The following GOLM2 variants were observed in gnomAD, a reference collection of about 807,000 sequenced individuals.
GOLM2 encodes protein GOLM2.
In GOLM2, 26 loss-of-function variants were observed where a neutral mutation model predicts 55.9. The observed-to-expected ratio is 0.47, with a 90% CI of 0.34 to 0.65. The LOEUF is 0.65. Among genes scored for constraint, GOLM2 ranks in the 30% least tolerant of loss-of-function variants. GOLM2 has a pLI of 0.01. For missense variants in GOLM2, 486 were observed against 531.8 expected, an observed-to-expected ratio of 0.91 and a Z score of 0.85; for synonymous variants, 165 against 194.6, an observed-to-expected ratio of 0.85 and a Z score of 1.27.
chr15:44,313,837 C>A (rs981353991), intron 1 of GOLM2, among the ~76,000 whole-genome samples: 1 of 151,952 alleles, frequency 6.6e-6, no homozygotes, highest in African/African-American at 2.4e-5. Context: ...GAATAAGCAC[C>A]ACAATAAAAT....
At chr15:44,376,281 T>G (rs1050287736) in intron 6 of GOLM2, among the ~76,000 whole-genome samples, 1 of 152,102 alleles carries the variant, frequency 6.6e-6, no homozygotes, top group African/African-American at 2.4e-5. Flanking sequence ...CCTATGTTGT[T>G]TCTTGTTTTT....
intron 6 of GOLM2, among the ~76,000 whole-genome samples, chr15:44,366,058 G>A (rs1306541926): frequency 2.6e-5 from 4 of 152,148 alleles, no homozygotes; most frequent in Non-Finnish European, 4.4e-5. Context: ...AGCACTTTGG[G>A]AGGCCGAGGT....
intron 6 of GOLM2, 49 bp from the exon 7 acceptor site, chr15:44,379,638 TAGA>T: frequency 3.0e-5 from 21 of 709,974 alleles, no homozygotes; most frequent in Non-Finnish European, 3.7e-5. Flanking sequence ...TTTTTTTTTT[TAGA>T]AATCATAGTA....
At chr15:44,328,431 T>C (rs573066712) in intron 2 of GOLM2, among the ~76,000 whole-genome samples, 1 of 152,276 alleles carries the variant, frequency 6.6e-6, no homozygotes, top group African/African-American at 2.4e-5. Flanking sequence ...TGAGCCAAGA[T>C]TGCACCACTG....
intron 8 of GOLM2, among the ~76,000 whole-genome samples, chr15:44,401,391 A>G (rs535369193): frequency 6.6e-6 from 1 of 152,038 alleles, no homozygotes; most frequent in South Asian, 2.1e-4. Context: ...CAGCCTCCTG[A>G]GTATCTGAGA....
At chr15:44,358,697 T>G (rs2079214129) in intron 6 of GOLM2, among the ~76,000 whole-genome samples, 1 of 152,042 alleles carries the variant, frequency 6.6e-6, no homozygotes, top group South Asian at 2.1e-4. Context: ...CCACAAAAAT[T>G]AACTCAAAAT....
chr15:44,341,861 A>AT (rs1318002042), intron 6 of GOLM2, among the ~76,000 whole-genome samples: 3 of 151,106 alleles, frequency 2.0e-5, no homozygotes, highest in Non-Finnish European at 3.0e-5. Flanking sequence ...CGCCCGGCTA[A>AT]TTTTTTTTGT....
At chr15:44,381,785 T>A (rs540747612) in intron 8 of GOLM2, among the ~76,000 whole-genome samples, 10 of 152,254 alleles carry the variant, frequency 6.6e-5, no homozygotes, top group South Asian at 2.1e-4. Context: ...TATTTGTGAA[T>A]TTATTCAAGG....
chr15:44,302,288 G>A (rs2078804202), intron 1 of GOLM2, among the ~76,000 whole-genome samples: 1 of 151,206 alleles, frequency 6.6e-6, no homozygotes, highest in Non-Finnish European at 1.5e-5. Flanking sequence ...GGGACTACAT[G>A]CACATGCCAC....
chr15:44,399,291 C>T (rs1438804416), intron 8 of GOLM2, among the ~76,000 whole-genome samples: 1 of 152,116 alleles, frequency 6.6e-6, no homozygotes, highest in Non-Finnish European at 1.5e-5. Context: ...TGATTGGCAA[C>T]TCTGTGTAAG....
chr15:44,396,503 G>A (rs2079527933), intron 8 of GOLM2, among the ~76,000 whole-genome samples: 1 of 152,126 alleles, frequency 6.6e-6, no homozygotes, highest in Admixed American at 6.5e-5. Flanking sequence ...CTATGCCTTT[G>A]TAAATGGAAA....
At chr15:44,309,852 A>C (rs988815700) in intron 1 of GOLM2, among the ~76,000 whole-genome samples, 1 of 152,216 alleles carries the variant, frequency 6.6e-6, no homozygotes, top group East Asian at 1.9e-4. Flanking sequence ...AGACTCAGGC[A>C]ATCTAATTTT....
chr15:44,368,915 A>G (rs566456524), intron 6 of GOLM2, among the ~76,000 whole-genome samples: 7 of 148,882 alleles, frequency 4.7e-5, no homozygotes, highest in Admixed American at 4.1e-4. Context: ...TATTACATTG[A>G]GGAGTTTGGA....
Position 44,403,039 on chromosome 15 carries a change from G to A in GOLM2, c.1225G>A (p.Glu409Lys). The A allele has an allele frequency of 6.2e-7, 1 of 1,614,124 alleles. No homozygotes were observed. Among genetic ancestry groups the A allele is most frequent in the African/African-American group, 1.3e-5 (1 of 75,022 alleles). ...TGAGGAAGAAGATGGTGATGGTGGA[G>A]AGGAAGACGTCCAAGGTGAGCGTGG... ...YNEEEDGDGG[E>K]EDVQDDEERE... Residue 409 changes from glutamate to lysine, a missense_variant, in exon 9 of 10, where the codon GAG becomes AAG. Transcript: ENST00000299957.
At chr15:44,305,513 C>G (rs932545259) in intron 1 of GOLM2, among the ~76,000 whole-genome samples, 10 of 152,078 alleles carry the variant, frequency 6.6e-5, no homozygotes, top group African/African-American at 2.2e-4. Flanking sequence ...TGCCCAGGCC[C>G]GTCTTGAACT....
intron 1 of GOLM2, among the ~76,000 whole-genome samples, chr15:44,309,337 T>C (rs1466033686): frequency 1.3e-5 from 2 of 152,194 alleles, no homozygotes; most frequent in East Asian, 1.9e-4. Context: ...GGGATGTTGG[T>C]CAAGGGGTAC....
At chr15:44,315,665 A>G (rs1166788749) in intron 1 of GOLM2, among the ~76,000 whole-genome samples, 2 of 152,244 alleles carry the variant, frequency 1.3e-5, no homozygotes, top group Non-Finnish European at 2.9e-5. Flanking sequence ...AACAAAGAAC[A>G]TAAAACTCAG....
intron 6 of GOLM2, among the ~76,000 whole-genome samples, chr15:44,371,812 T>A (rs2079331109): frequency 6.6e-6 from 1 of 152,176 alleles, no homozygotes. Context: ...TAGTTTTACA[T>A]GTAAATTGTA....
At chr15:44,322,788 A>G (rs2078959522) in intron 1 of GOLM2, among the ~76,000 whole-genome samples, 177 bp from the exon 2 acceptor site, 1 of 152,222 alleles carries the variant, frequency 6.6e-6, no homozygotes, top group Non-Finnish European at 1.5e-5. Context: ...GTGCAAATTT[A>G]AAGTAAGCAT....
Sources: gnomAD v4.1 joint callset for allele counts (sites outside exome capture counted in the v4.1 genomes callset) on GRCh38, gnomAD v4.1.1 for gene constraint, MANE v1.5 for transcripts, NCBI Gene and HGNC (gene_info 2026-07-23, HGNC 2026-07-21) for gene names.